MPP7: variants seen among roughly 807,000 people sequenced by gnomAD.
The protein encoded by MPP7 is MAGUK p55 subfamily member 7.
A neutral mutation model predicts 76.5 loss-of-function variants in MPP7; 60 were observed. The observed-to-expected ratio is 0.78, with a 90% CI of 0.64 to 0.97. The LOEUF is 0.97. Ranked by LOEUF, MPP7 falls within the 50% of genes least tolerant of loss-of-function variation. The pLI is 0.00. For missense variants in MPP7, 641 were observed against 694.0 expected (o/e 0.92, Z 0.86); for synonymous variants, 237 against 244.5 (o/e 0.97, Z 0.29).
chr10:28,063,369 G>A (rs544282342), intron 13 of MPP7, among the ~76,000 whole-genome samples: 1 of 152,114 alleles, frequency 6.6e-6, no homozygotes, highest in South Asian at 2.1e-4. Context: ...GGCTGAGGTG[G>A]GAGAATCACT....
At chr10:28,173,571 G>T (rs533853878) in intron 3 of MPP7, among the ~76,000 whole-genome samples, 3 of 152,316 alleles carry the variant, frequency 2.0e-5, no homozygotes, top group African/African-American at 7.2e-5. Context: ...AAGAGCAGAT[G>T]TTGGCACCAT....
In MPP7 at chr10:28,110,310, G is replaced by A. The variant is rs11006876; in HGVS notation, c.952+9341C>T. ...TTGCCATGTTGGCCATGCTGGTCTCGAAATCCTGACCTCAGGTGATCCGCC... is the reference window on the plus strand; with the variant it reads ...TTGCCATGTTGGCCATGCTGGTCTCAAAATCCTGACCTCAGGTGATCCGCC... On this transcript the variant is annotated intron_variant, in intron 11 of 16. Coordinates refer to ENST00000683449, the MANE Select transcript of MPP7 (RefSeq NM_001318170.2). Among the ~76,000 whole-genome samples the A allele has an allele frequency of 9.3e-4, 142 of 152,134 alleles. 2 individuals are homozygous for A. The East Asian group carries it at 0.018, about 19-fold the overall frequency.
At chr10:28,268,179 G>T (rs1223778574) in intron 1 of MPP7, among the ~76,000 whole-genome samples, 1 of 151,206 alleles carries the variant, frequency 6.6e-6, no homozygotes, top group Non-Finnish European at 1.5e-5. Context: ...GTGCAATTAA[G>T]CTCAGCCCTG....
chr10:28,299,136 TC>T (rs1841095900), intron 1 of MPP7, among the ~76,000 whole-genome samples: 1 of 152,240 alleles, frequency 6.6e-6, no homozygotes, highest in South Asian at 2.1e-4. Context: ...CAAGAACCTT[TC>T]CTTTGCATTC....
At chr10:28,178,337 A>G (rs1391227600) in intron 3 of MPP7, among the ~76,000 whole-genome samples, 1 of 152,100 alleles carries the variant, frequency 6.6e-6, no homozygotes, top group Non-Finnish European at 1.5e-5. Flanking sequence ...GCTCCAACAC[A>G]TAGATCTTCC....
chr10:28,313,940 A>G (rs1233315579), intron 2 of MPP7, among the ~76,000 whole-genome samples: 1 of 141,650 alleles, frequency 7.1e-6, no homozygotes, highest in Admixed American at 7.9e-5. Flanking sequence ...TCCTGGGCTC[A>G]AGTAGTCCTC....
chr10:28,176,351 A>AAAACAAAACT (rs564001673), intron 3 of MPP7, among the ~76,000 whole-genome samples: 514 of 149,058 alleles, frequency 3.4e-3, no homozygotes, highest in African/African-American at 0.012. Flanking sequence ...AAAACAAAAC[A>AAAACAAAACT]AAACAAAACA....
At position 28,332,808 on chromosome 10, in the gene MPP7, C is replaced by T. The variant is rs11818594; in HGVS notation, c.-206+1610G>A. On this transcript the variant is annotated intron_variant, in intron 1 of 11. Coordinates refer to the MPP7 transcript ENST00000441595. The stretch of plus-strand genomic sequence containing the variant: ...TTCTAAGTAGCTTGGACCACAGGCA[C>T]GTGCCACCATGCCTGGCTAATTCTT... 7.7e-3 allele frequency among the ~76,000 whole-genome samples: 1,169 copies of T among 152,030 alleles called. 15 individuals carry two copies. Among genetic ancestry groups the T allele is most frequent in the African/African-American group, 0.027 (1,108 of 41,466 alleles).
chr10:28,272,763 G>A (rs756060252), intron 1 of MPP7, among the ~76,000 whole-genome samples: 19 of 152,106 alleles, frequency 1.2e-4, no homozygotes, highest in Non-Finnish European at 2.2e-4. Flanking sequence ...GAGGGGAAAA[G>A]TATATGTGGA....
chr10:28,274,975 C>T (rs1002252963), intron 1 of MPP7, among the ~76,000 whole-genome samples: 2 of 152,176 alleles, frequency 1.3e-5, no homozygotes, highest in African/African-American at 4.8e-5. Flanking sequence ...CAGAGCTTAA[C>T]ACAGTACATT....
At chr10:28,101,530 A>G (rs1383051183) in intron 11 of MPP7, among the ~76,000 whole-genome samples, 1 of 152,144 alleles carries the variant, frequency 6.6e-6, no homozygotes, top group African/African-American at 2.4e-5. Flanking sequence ...ATTTAACTTT[A>G]TGGCAAACCC....
chr10:28,228,207 AT>A (rs966104435), intron 2 of MPP7, among the ~76,000 whole-genome samples: 3 of 151,784 alleles, frequency 2.0e-5, no homozygotes, highest in Non-Finnish European at 2.9e-5. Flanking sequence ...TTAACATGAG[AT>A]TTTTTTTTAT....
At chr10:28,295,965 C>T (rs1841027277) in intron 1 of MPP7, among the ~76,000 whole-genome samples, 1 of 152,208 alleles carries the variant, frequency 6.6e-6, no homozygotes, top group South Asian at 2.1e-4. Context: ...TGAAATCTTC[C>T]ATAAGCCAAA....
At chr10:28,165,716 A>C (rs1663318111) in intron 3 of MPP7, among the ~76,000 whole-genome samples, 1 of 152,138 alleles carries the variant, frequency 6.6e-6, no homozygotes, top group African/African-American at 2.4e-5. Context: ...AATTAGAATA[A>C]AAGTAAAATT....
intron 1 of MPP7, among the ~76,000 whole-genome samples, chr10:28,241,286 T>C (rs576973829): frequency 2.0e-5 from 3 of 152,304 alleles, no homozygotes; most frequent in South Asian, 4.1e-4. Context: ...TATTTCTTGT[T>C]TTTTATTTCA....
Position 28,052,668 on chromosome 10 carries a change from T to C in MPP7, c.*1397A>G, listed in dbSNP as rs1851402415. The C allele has an allele frequency of 1.3e-5, 2 of 152,666 alleles. No homozygotes were observed. Among genetic ancestry groups the C allele is most frequent in the South Asian group, 4.1e-4 (2 of 4,832 alleles). The allele number at this position is 152,666 out of a possible 1,614,324, so 9.5% of individuals were successfully genotyped here. ...AGTTTATTTTATGAATAGCCCCGTT[T>C]GATATTTAAAAAAATATGCCTTTAA... On this transcript the variant is annotated 3_prime_UTR_variant, in exon 17 of 17. Transcript: ENST00000683449.
intron 3 of MPP7, among the ~76,000 whole-genome samples, chr10:28,162,633 C>T (rs1836299895): frequency 6.6e-6 from 1 of 152,174 alleles, no homozygotes; most frequent in Non-Finnish European, 1.5e-5. Context: ...ACTAGGTGTG[C>T]AGCAGGCGGC....
chr10:28,294,357 C>A (rs934974431), intron 1 of MPP7, among the ~76,000 whole-genome samples: 1 of 152,134 alleles, frequency 6.6e-6, no homozygotes, highest in Admixed American at 6.5e-5. Context: ...ATAGTACAGG[C>A]GACAGTGTGT....
intron 2 of MPP7, among the ~76,000 whole-genome samples, chr10:28,217,539 A>AAAGAG (rs1838354009): frequency 7.4e-6 from 1 of 136,014 alleles, no homozygotes; most frequent in Non-Finnish European, 1.6e-5. Flanking sequence ...AAAAAAAAAA[A>AAAGAG]AAGAAAAGAA....
Sources: gnomAD v4.1 joint callset for allele counts (sites outside exome capture counted in the v4.1 genomes callset) on GRCh38, gnomAD v4.1.1 for gene constraint, MANE v1.5 for transcripts, NCBI Gene and HGNC (gene_info 2026-07-23, HGNC 2026-07-21) for gene names.